The following RETREG1 variants were observed in gnomAD, a reference collection of about 807,000 sequenced individuals.
The protein encoded by RETREG1 is reticulophagy regulator 1, also known as family with sequence similarity 134 member B.
RETREG1 carries 44 observed loss-of-function variants against 54.8 expected under a neutral mutation model. The observed-to-expected ratio is 0.80, with a 90% CI of 0.63 to 1.03. The LOEUF is 1.03. Among genes scored for constraint, RETREG1 ranks in the 50% least tolerant of loss-of-function variants. RETREG1 has a pLI of 0.00. For missense variants in RETREG1, 554 were observed against 605.1 expected, an observed-to-expected ratio of 0.92 and a Z score of 0.89; for synonymous variants, 217 against 238.5, an observed-to-expected ratio of 0.91 and a Z score of 0.83.
At chr5:16,568,333 G>A (rs571559321) in intron 2 of RETREG1, among the ~76,000 whole-genome samples, 4 of 150,622 alleles carry the variant, frequency 2.7e-5, no homozygotes, top group East Asian at 2.0e-4. Flanking sequence ...GTGCAATGAC[G>A]TGATCTCAGC....
At chr5:16,610,116 C>T (rs1351437367) in intron 1 of RETREG1, among the ~76,000 whole-genome samples, 1 of 152,098 alleles carries the variant, frequency 6.6e-6, no homozygotes, top group Non-Finnish European at 1.5e-5. Flanking sequence ...GCTGGGGCAC[C>T]CCATTCAGGC....
chr5:16,485,288 C>T (rs967979222), intron 3 of RETREG1, among the ~76,000 whole-genome samples: 1 of 152,088 alleles, frequency 6.6e-6, no homozygotes, highest in African/African-American at 2.4e-5. Flanking sequence ...TGCATTTGAA[C>T]TGTTTGCCCA....
At chr5:16,478,805 A>G in intron 6 of RETREG1, 45 bp downstream of exon 6, 7 of 1,578,744 alleles carry the variant, frequency 4.4e-6, no homozygotes, top group Non-Finnish European at 6.1e-6. Context: ...TAGCTCGCTA[A>G]TGTCTCATTT....
intron 3 of RETREG1, among the ~76,000 whole-genome samples, chr5:16,552,113 G>T (rs554399697): frequency 6.6e-6 from 1 of 152,322 alleles, no homozygotes; most frequent in South Asian, 2.1e-4. Flanking sequence ...GTTACGGTAT[G>T]GACTTCTTTG....
chr5:16,589,047 G>A, intron 1 of RETREG1, among the ~76,000 whole-genome samples: 1 of 152,214 alleles, frequency 6.6e-6, no homozygotes, highest in Non-Finnish European at 1.5e-5. Context: ...CCGCTGGGCT[G>A]TGCCAGCAGC....
intron 3 of RETREG1, among the ~76,000 whole-genome samples, chr5:16,485,941 T>C (rs1204457206): frequency 6.6e-6 from 1 of 152,176 alleles, no homozygotes; most frequent in East Asian, 1.9e-4. Context: ...CACTATTTGC[T>C]GGAAAGAAAG....
intron 1 of RETREG1, among the ~76,000 whole-genome samples, chr5:16,573,083 G>A (rs1043952008): frequency 3.5e-5 from 5 of 141,710 alleles, no homozygotes; most frequent in Non-Finnish European, 7.6e-5. Context: ...CTCCGAGTCT[G>A]AAGCAGGAGA....
chr5:16,504,785 T>C (rs141668940), intron 3 of RETREG1, among the ~76,000 whole-genome samples: 88 of 152,292 alleles, frequency 5.8e-4, no homozygotes, highest in Admixed American at 1.4e-3. Flanking sequence ...AAAGGCCACA[T>C]ACGACCTTTT....
chr5:16,596,291 G>A (rs1742892247), intron 1 of RETREG1, among the ~76,000 whole-genome samples: 1 of 152,172 alleles, frequency 6.6e-6, no homozygotes, highest in South Asian at 2.1e-4. Context: ...ACAGACTAGT[G>A]CCTTCAAAGA....
At chr5:16,553,810 A>G (rs1466511903) in intron 3 of RETREG1, among the ~76,000 whole-genome samples, 1 of 152,262 alleles carries the variant, frequency 6.6e-6, no homozygotes, top group Non-Finnish European at 1.5e-5. Flanking sequence ...AGTATATTCA[A>G]TATGATCACT....
intron 3 of RETREG1, among the ~76,000 whole-genome samples, chr5:16,559,425 G>A (rs1741796573): frequency 6.6e-6 from 1 of 152,188 alleles, no homozygotes; most frequent in Non-Finnish European, 1.5e-5. Context: ...TGGCCTAGCT[G>A]CAAGCTCGGG....
At chr5:16,494,957 A>C (rs1335855308) in intron 3 of RETREG1, among the ~76,000 whole-genome samples, 1 of 152,210 alleles carries the variant, frequency 6.6e-6, no homozygotes, top group Non-Finnish European at 1.5e-5. Context: ...ATGGAAAATG[A>C]AGACTAGGCT....
intron 1 of RETREG1, among the ~76,000 whole-genome samples, chr5:16,583,526 A>G (rs1742547864): frequency 6.6e-6 from 1 of 151,914 alleles, no homozygotes; most frequent in Admixed American, 6.6e-5. Context: ...TAATATACAT[A>G]TGTATAATTT....
chr5:16,551,911 A>C (rs2617427), intron 3 of RETREG1, among the ~76,000 whole-genome samples: 51,514 of 151,958 alleles, frequency 0.34, 10,229 homozygotes, highest in Non-Finnish European at 0.44. Flanking sequence ...TCCTTCACTC[A>C]TGGTCCCTAG....
intron 3 of RETREG1, among the ~76,000 whole-genome samples, chr5:16,518,092 T>C (rs2126576740): frequency 6.7e-6 from 1 of 148,470 alleles, no homozygotes; most frequent in South Asian, 2.1e-4. Context: ...ATACTATGTA[T>C]ATTTATATAT....
intron 1 of RETREG1, among the ~76,000 whole-genome samples, chr5:16,599,942 C>G (rs1268902695): frequency 6.6e-6 from 1 of 152,094 alleles, no homozygotes; most frequent in Admixed American, 6.5e-5. Context: ...AAGGGTAAGG[C>G]CCCCAAAAGC....
intron 3 of RETREG1, among the ~76,000 whole-genome samples, chr5:16,556,245 G>A (rs1265036151): frequency 6.6e-6 from 1 of 150,852 alleles, no homozygotes; most frequent in Non-Finnish European, 1.5e-5. Flanking sequence ...CACAAGCTCC[G>A]CCTCCCAGGT....
chr5:16,531,621 C>T (rs1003199744), intron 3 of RETREG1, among the ~76,000 whole-genome samples: 15 of 152,062 alleles, frequency 9.9e-5, no homozygotes, highest in African/African-American at 3.4e-4. Flanking sequence ...CAGAAAAGGC[C>T]TCCCAGGGAA....
At chr5:16,530,359 T>G (rs995749552) in intron 3 of RETREG1, among the ~76,000 whole-genome samples, 5 of 152,194 alleles carry the variant, frequency 3.3e-5, no homozygotes, top group Non-Finnish European at 1.5e-5. Flanking sequence ...CTACTGGCTG[T>G]TCAATCTCAG....
Sources: allele counts gnomAD v4.1 joint callset (sites outside exome capture counted in the v4.1 genomes callset), GRCh38; gene constraint gnomAD v4.1.1; transcripts MANE v1.5; gene names NCBI Gene and HGNC (gene_info 2026-07-23, HGNC 2026-07-21).